CRKL: variants seen among roughly 807,000 people sequenced by gnomAD.
CRKL encodes crk-like protein.
In CRKL, 3 loss-of-function variants were observed where a neutral mutation model predicts 23.0. That is an observed-to-expected ratio of 0.13 (90% CI 0.06 to 0.34). CRKL has a LOEUF of 0.34. Ranked by LOEUF, CRKL falls within the 10% of genes least tolerant of loss-of-function variation. The pLI is 1.00. For missense variants in CRKL, 256 were observed against 394.5 expected, an observed-to-expected ratio of 0.65 and a Z score of 2.97; for synonymous variants, 188 against 160.7, an observed-to-expected ratio of 1.17 and a Z score of -1.28.
Position 20,949,997 on chromosome 22 carries a change from C to T in CRKL, c.*152C>T. The T allele has an allele frequency of 1.0e-6, 1 of 997,010 alleles. No homozygotes were observed. The highest frequency in any genetic ancestry group is 1.4e-6 in the Non-Finnish European group (1 of 695,878). 61.8% of individuals were successfully genotyped at this position (997,010 alleles called of 1,614,324 possible). A position where few individuals can be genotyped will look rare whatever the true frequency, so the allele number is the denominator to read the frequency against. On this transcript the variant is annotated 3_prime_UTR_variant, in exon 3 of 3. Coordinates refer to ENST00000354336, the MANE Select transcript of CRKL (RefSeq NM_005207.4). ...CAGTCGCACACACATTTGGAATGCACACAGCGGCTGCCTCCTGATGTTTGT... is the reference window on the plus strand; with the variant it reads ...CAGTCGCACACACATTTGGAATGCATACAGCGGCTGCCTCCTGATGTTTGT...
intron 1 of CRKL, among the ~76,000 whole-genome samples, chr22:20,923,914 C>T (rs568669604): frequency 1.3e-5 from 2 of 149,686 alleles, no homozygotes; most frequent in Admixed American, 6.7e-5. Context: ...TGGCTGTGCT[C>T]GGTGGCTCGT....
intron 2 of CRKL, among the ~76,000 whole-genome samples, chr22:20,939,364 CG>C (rs1921781393): frequency 6.6e-6 from 1 of 151,310 alleles, no homozygotes; most frequent in Admixed American, 6.6e-5. Flanking sequence ...CCTCAGCCTC[CG>C]GAGTAGCTGG....
Position 20,941,942 on chromosome 22 carries a change from G to T in CRKL, c.777+7698G>T, listed in dbSNP as rs1266419846. On this transcript the variant is annotated intron_variant, in intron 2 of 2. Coordinates refer to ENST00000354336, the MANE Select transcript of CRKL (RefSeq NM_005207.4). ...GAATTGGGGCCCTGGTGTGGTTCAG[G>T]CAGGGCCTGTCCCATCCTGGTCATT... Among the ~76,000 whole-genome samples the T allele has an allele frequency of 1.2e-4, 18 of 152,022 alleles. 1 individual carries two copies. The highest frequency in any genetic ancestry group is 1.2e-3 in the Admixed American group (18 of 15,250).
rs1207577439 is a variant in CRKL at position 20,941,585 on chromosome 22, TATA to T, written c.777+7342_777+7344del. ...GTGTGTGTGTGTGTGTGTGTATATATATATTTTTTTTTTTTTTTTTTTTTTTTG... is the reference window on the plus strand; with the variant it reads ...GTGTGTGTGTGTGTGTGTGTATATATTTTTTTTTTTTTTTTTTTTTTTTTG... On this transcript the variant is annotated intron_variant, in intron 2 of 2. Coordinates refer to ENST00000354336, the MANE Select transcript of CRKL (RefSeq NM_005207.4). 5.0e-4 allele frequency among the ~76,000 whole-genome samples: 35 copies of T among 70,300 alleles called. 5 individuals are homozygous for T. Among genetic ancestry groups the T allele is most frequent in the African/African-American group, 1.7e-3 (34 of 19,616 alleles). The allele number at this position is 70,300 out of a possible 152,430, so 46.1% of individuals were successfully genotyped here. A position where few individuals can be genotyped will look rare whatever the true frequency, so the allele number is the denominator to read the frequency against.
At chr22:20,921,968 A>T (rs573001410) in intron 1 of CRKL, among the ~76,000 whole-genome samples, 14 of 148,688 alleles carry the variant, frequency 9.4e-5, no homozygotes, top group African/African-American at 3.5e-4. Flanking sequence ...TCGGCCTCCC[A>T]AAGTGCTGGA....
At chr22:20,931,910 C>T (rs369132845) in intron 1 of CRKL, among the ~76,000 whole-genome samples, 5 of 152,150 alleles carry the variant, frequency 3.3e-5, no homozygotes, top group African/African-American at 2.4e-5. Context: ...CTCCCGGGCT[C>T]ACACCGTTCT....
rs916953251 is a variant in CRKL at position 20,917,431 on chromosome 22, G to T, written c.-504G>T. 1 of 225,858 alleles carries T rather than the reference G, an allele frequency of 4.4e-6. No individual in the cohort carries two copies. Among genetic ancestry groups the T allele is most frequent in the East Asian group, 6.2e-5 (1 of 16,038 alleles). 14.0% of individuals were successfully genotyped at this position (225,858 alleles called of 1,614,324 possible). On this transcript the variant is annotated 5_prime_UTR_variant, in exon 1 of 3. Transcript: ENST00000354336. ...CGCAGACGGAGCGCGCTGAGCGGAG[G>T]GGGAGGTGGCTGCCGCTTCTCCCGC...
chr22:20,942,963 T>C (rs5761460), intron 2 of CRKL, among the ~76,000 whole-genome samples: 9,761 of 152,226 alleles, frequency 0.064, 320 homozygotes, highest in East Asian at 0.08. Flanking sequence ...CTGTACCATA[T>C]TCCATTCCAA....
intron 1 of CRKL, 136 bp downstream of exon 1, chr22:20,918,381 C>A: frequency 9.9e-7 from 1 of 1,008,124 alleles, no homozygotes; most frequent in Non-Finnish European, 1.4e-6. Context: ...AGAAGGCCTT[C>A]CTAACAGAAA....
intron 2 of CRKL, among the ~76,000 whole-genome samples, chr22:20,944,556 C>T (rs1191899327): frequency 3.3e-5 from 5 of 151,764 alleles, no homozygotes; most frequent in African/African-American, 9.7e-5. Context: ...AGACATGCGC[C>T]ACCATGCCCA....
intron 2 of CRKL, among the ~76,000 whole-genome samples, chr22:20,935,986 C>G (rs1347194695): frequency 6.6e-6 from 1 of 152,088 alleles, no homozygotes; most frequent in Non-Finnish European, 1.5e-5. Flanking sequence ...GGTGAAACCC[C>G]ATCTCTACCA....
At chr22:20,932,667 GTA>G (rs1200839306) in intron 1 of CRKL, among the ~76,000 whole-genome samples, 2 of 152,194 alleles carry the variant, frequency 1.3e-5, no homozygotes, top group East Asian at 1.9e-4. Context: ...GAGATGGAGT[GTA>G]TGTGTGTGTG....
intron 1 of CRKL, among the ~76,000 whole-genome samples, chr22:20,927,540 A>T (rs1921269487): frequency 6.8e-6 from 1 of 147,412 alleles, no homozygotes; most frequent in Non-Finnish European, 1.5e-5. Flanking sequence ...TAACTGTGAA[A>T]TATTTCATAC....
At chr22:20,924,910 C>T (rs1055761817) in intron 1 of CRKL, among the ~76,000 whole-genome samples, 1 of 151,962 alleles carries the variant, frequency 6.6e-6, no homozygotes, top group Non-Finnish European at 1.5e-5. Flanking sequence ...GTGTTCCCAG[C>T]CGGATGTGGT....
intron 2 of CRKL, among the ~76,000 whole-genome samples, chr22:20,939,233 C>CTTT (rs140538861): frequency 1.1e-3 from 82 of 75,146 alleles, no homozygotes; most frequent in Middle Eastern, 9.4e-3. Flanking sequence ...ACATAAGTTG[C>CTTT]TTTTTTTTTT....
In CRKL at chr22:20,918,592, C is replaced by CT. The variant is rs66827795; in HGVS notation, c.311+365dup. On this transcript the variant is annotated intron_variant, in intron 1 of 2. Coordinates refer to ENST00000354336, the MANE Select transcript of CRKL (RefSeq NM_005207.4). ...GATTTGTTGGTTTTTCTAAAAACCTCTTTTTTTTTTTTTTTTTTGAGACGG... is the reference window on the plus strand; with the variant it reads ...GATTTGTTGGTTTTTCTAAAAACCTCTTTTTTTTTTTTTTTTTTTGAGACGG... 4.5e-3 allele frequency among the ~76,000 whole-genome samples: 400 copies of CT among 89,302 alleles called. 6 individuals are homozygous for CT. The East Asian group carries it at 0.069, about 15-fold the overall frequency. 58.6% of individuals were successfully genotyped at this position (89,302 alleles called of 152,430 possible).
In CRKL at chr22:20,933,921, A is replaced by G. The variant is rs771933873; in HGVS notation, c.454A>G (p.Ile152Val). The G allele has an allele frequency of 1.2e-6, 2 of 1,614,190 alleles. No individual in the cohort carries two copies. Among genetic ancestry groups the G allele is most frequent in the South Asian group, 1.1e-5 (1 of 91,086 alleles). The change falls in exon 2 of 3, where the codon ATA (isoleucine) becomes GTA (valine). Residue 152 changes from isoleucine (I) to valine (V), a missense_variant. Physicochemically the swap from Ile to Val is conservative, Grantham distance 29. Transcript: ENST00000354336. ...LPFKKGEILV[I>V]IEKPEEQWWS... ...CTTTAAAAAGGGTGAGATCCTAGTG[A>G]TAATAGAGAAGCCTGAAGAACAGTG...
intron 1 of CRKL, among the ~76,000 whole-genome samples, chr22:20,923,858 G>A (rs1192619983): frequency 2.0e-5 from 3 of 149,502 alleles, no homozygotes; most frequent in South Asian, 2.2e-4. Flanking sequence ...GATTACAGGC[G>A]TAAGTCACCG....
intron 1 of CRKL, 45 bp downstream of exon 1, chr22:20,918,290 GGTCT>G (rs1261710839): frequency 6.3e-7 from 1 of 1,595,044 alleles, no homozygotes; most frequent in African/African-American, 1.3e-5. Context: ...TCGAGAACCG[GGTCT>G]GTCGAAGAGT....
Sources: allele counts gnomAD v4.1 joint callset (sites outside exome capture counted in the v4.1 genomes callset), GRCh38; gene constraint gnomAD v4.1.1; transcripts MANE v1.5; gene names NCBI Gene and HGNC (gene_info 2026-07-23, HGNC 2026-07-21).